SNAP25: variants seen among roughly 807,000 people sequenced by gnomAD.
The protein encoded by SNAP25 is synaptosome associated protein 25.
SNAP25 carries 3 observed loss-of-function variants against 28.7 expected under a neutral mutation model. That is an observed-to-expected ratio of 0.10 (90% CI 0.05 to 0.27). The LOEUF is 0.27. Ranked by LOEUF, SNAP25 falls within the 10% of genes least tolerant of loss-of-function variation. SNAP25 has a pLI of 1.00. For missense variants in SNAP25, 117 were observed against 278.7 expected (o/e 0.42, Z 4.13); for synonymous variants, 61 against 88.1 (o/e 0.69, Z 1.72).
At chr20:10,225,235 A>G (rs568233205) in intron 1 of SNAP25, among the ~76,000 whole-genome samples, 47 of 47,292 alleles carry the variant, frequency 9.9e-4, no homozygotes, top group South Asian at 4.9e-3. Flanking sequence ...CCCGGAGGGG[A>G]AAAAAAAAAA....
chr20:10,266,592 G>T (rs2063510242), intron 1 of SNAP25, among the ~76,000 whole-genome samples: 1 of 152,220 alleles, frequency 6.6e-6, no homozygotes, highest in Admixed American at 6.5e-5. Context: ...ATAAGGCTAA[G>T]AGAAATGAAT....
intron 1 of SNAP25, among the ~76,000 whole-genome samples, chr20:10,262,000 T>C (rs2063421772): frequency 6.6e-6 from 1 of 152,190 alleles, no homozygotes; most frequent in African/African-American, 2.4e-5. Flanking sequence ...CACCACTGAT[T>C]CTTTGATAAA....
chr20:10,271,359 G>A (rs567857029), intron 1 of SNAP25, among the ~76,000 whole-genome samples: 82 of 152,306 alleles, frequency 5.4e-4, no homozygotes, highest in African/African-American at 1.9e-3. Flanking sequence ...CTGGAGGTAC[G>A]CTCAGCGCCC....
At chr20:10,295,100 T>C (rs1313200368) in intron 5 of SNAP25, among the ~76,000 whole-genome samples, 1 of 152,226 alleles carries the variant, frequency 6.6e-6, no homozygotes, top group Non-Finnish European at 1.5e-5. Context: ...TGTTCCCTAT[T>C]GTGTGTAAAT....
intron 1 of SNAP25, among the ~76,000 whole-genome samples, chr20:10,253,308 A>C (rs1242033394): frequency 6.6e-6 from 1 of 152,194 alleles, no homozygotes; most frequent in East Asian, 1.9e-4. Flanking sequence ...TGGCTTCTTC[A>C]CATCCAGAAT....
chr20:10,305,468 G>A (rs980153572), intron 7 of SNAP25, among the ~76,000 whole-genome samples: 5 of 152,164 alleles, frequency 3.3e-5, no homozygotes, highest in Non-Finnish European at 4.4e-5. Context: ...GTTGAGCCCA[G>A]GCAGTCAAGG....
At chr20:10,277,917 T>G (rs910456604) in intron 3 of SNAP25, 191 bp downstream of exon 3, 1 of 543,400 alleles carries the variant, frequency 1.8e-6, no homozygotes, top group Non-Finnish European at 3.3e-6. Flanking sequence ...ACCTTCACCC[T>G]CCTTCCCAGC....
At chr20:10,260,716 C>CACAA (rs1568597243) in intron 1 of SNAP25, among the ~76,000 whole-genome samples, 1 of 147,518 alleles carries the variant, frequency 6.8e-6, no homozygotes, top group African/African-American at 2.6e-5. Flanking sequence ...CACACACACA[C>CACAA]ACACACAAAC....
chr20:10,277,055 G>C (rs745553723), intron 2 of SNAP25, among the ~76,000 whole-genome samples: 7 of 152,190 alleles, frequency 4.6e-5, no homozygotes, highest in Non-Finnish European at 8.8e-5. Flanking sequence ...AAAGAACTGA[G>C]AAAAAAGTGA....
At chr20:10,257,511 G>C (rs141596086) in intron 1 of SNAP25, among the ~76,000 whole-genome samples, 1 of 152,104 alleles carries the variant, frequency 6.6e-6, no homozygotes, top group Non-Finnish European at 1.5e-5. Context: ...TTGGGAGTTC[G>C]ATACCAGCCC....
chr20:10,289,808 T>G (rs1026543557), intron 4 of SNAP25, among the ~76,000 whole-genome samples: 1 of 150,798 alleles, frequency 6.6e-6, no homozygotes, highest in Admixed American at 6.7e-5. Context: ...TTAGGAGAGA[T>G]TAGTAGAAAT....
chr20:10,242,731 G>A (rs556616428), intron 1 of SNAP25, among the ~76,000 whole-genome samples: 1 of 152,192 alleles, frequency 6.6e-6, no homozygotes, highest in Non-Finnish European at 1.5e-5. Context: ...TCAGCTCCCA[G>A]TATGCACTTA....
At chr20:10,250,602 A>G (rs1229554988) in intron 1 of SNAP25, among the ~76,000 whole-genome samples, 1 of 152,238 alleles carries the variant, frequency 6.6e-6, no homozygotes, top group African/African-American at 2.4e-5. Context: ...AGAATTTTTT[A>G]AATTACTCAT....
intron 6 of SNAP25, 149 bp downstream of exon 6, chr20:10,297,199 T>G (rs984596015): frequency 1.8e-6 from 2 of 1,099,198 alleles, no homozygotes; most frequent in African/African-American, 1.6e-5. Context: ...TTCCTGGACC[T>G]TGCCTGGGTG....
chr20:10,256,994 T>G (rs773166734), intron 1 of SNAP25, among the ~76,000 whole-genome samples: 4 of 152,234 alleles, frequency 2.6e-5, no homozygotes, highest in Admixed American at 6.5e-5. Context: ...GGCATACACA[T>G]GTATATTGAT....
At chr20:10,226,886 G>T (rs1027157814) in intron 1 of SNAP25, among the ~76,000 whole-genome samples, 1 of 152,058 alleles carries the variant, frequency 6.6e-6, no homozygotes, top group Non-Finnish European at 1.5e-5. Context: ...AATCTGTTGG[G>T]ATCTCTCCCT....
At position 10,294,245 on chromosome 20, in the gene SNAP25, T is replaced by G. The variant is rs362595; in HGVS notation, c.281+967T>G. Among the ~76,000 whole-genome samples the G allele has an allele frequency of 1.2e-3, 177 of 152,328 alleles. 3 individuals are homozygous for G. The East Asian group carries it at 0.028, about 24-fold the overall frequency. Reference sequence around the variant, plus strand: ...TGATCCTAGCTTTTAGAATAGAAATTGACGTCATTTTTAGCAGATTATATG... The same window carrying G: ...TGATCCTAGCTTTTAGAATAGAAATGGACGTCATTTTTAGCAGATTATATG... On this transcript the variant is annotated intron_variant, in intron 5 of 7. Transcript: ENST00000254976.
chr20:10,264,948 G>A (rs1447524531), intron 1 of SNAP25, among the ~76,000 whole-genome samples: 1 of 137,738 alleles, frequency 7.3e-6, no homozygotes, highest in South Asian at 2.2e-4. Flanking sequence ...CTGAGATGGA[G>A]TCTCGCTCTG....
chr20:10,262,219 T>C (rs2063425168), intron 1 of SNAP25, among the ~76,000 whole-genome samples: 1 of 152,214 alleles, frequency 6.6e-6, no homozygotes, highest in Admixed American at 6.5e-5. Flanking sequence ...CTGTTATTTT[T>C]ATATATTCTA....
Sources: allele counts gnomAD v4.1 joint callset (sites outside exome capture counted in the v4.1 genomes callset), GRCh38; gene constraint gnomAD v4.1.1; transcripts MANE v1.5; gene names NCBI Gene and HGNC (gene_info 2026-07-23, HGNC 2026-07-21).